The following CNGB1 variants were observed in gnomAD, a reference collection of about 807,000 sequenced individuals.
The protein encoded by CNGB1 is cyclic nucleotide gated channel subunit beta 1, also known as cyclic nucleotide-gated channel beta-1.
A neutral mutation model predicts 151.7 loss-of-function variants in CNGB1; 126 were observed. That is an observed-to-expected ratio of 0.83 (90% CI 0.72 to 0.96). The LOEUF is 0.96. Among genes scored for constraint, CNGB1 ranks in the 40% least tolerant of loss-of-function variants. The probability of loss-of-function intolerance (pLI) is 0.00; values close to 1 mark genes in which losing one functional copy is unlikely to be tolerated. For synonymous variants in CNGB1, 623 were observed against 635.1 expected (o/e 0.98, Z 0.29); for missense variants, 1,698 against 1,627.0 (o/e 1.04, Z -0.75).
chr16:57,907,992 G>A (rs570841271), intron 25 of CNGB1, among the ~76,000 whole-genome samples: 2 of 152,280 alleles, frequency 1.3e-5, no homozygotes, highest in South Asian at 2.1e-4. Context: ...GGGTTCCAGC[G>A]ATCTTCCCAT....
At chr16:57,893,770 C>T (rs1960155842) in intron 31 of CNGB1, among the ~76,000 whole-genome samples, 2 of 152,146 alleles carry the variant, frequency 1.3e-5, no homozygotes, top group South Asian at 2.1e-4. Context: ...TGCGCCACTG[C>T]ACTCCAGCCT....
At position 57,887,804 on chromosome 16, in the gene CNGB1, C is replaced by A. The variant is rs1054960787; in HGVS notation, c.3462+51G>T. On this transcript the variant is annotated intron_variant, in intron 32 of 32. Transcript: ENST00000251102. Reference sequence around the variant, plus strand: ...ACTCTTGGAGACCCCTTGGCCTTCTCCCTGACACATATTGAAATGAACGTG... The same window carrying A: ...ACTCTTGGAGACCCCTTGGCCTTCTACCTGACACATATTGAAATGAACGTG... 1.9e-6 allele frequency: 3 copies of A among 1,580,688 alleles called. No individual in the cohort carries two copies. In the African/African-American group the frequency reaches 4.0e-5, roughly 21 times the overall value.
intron 23 of CNGB1, 108 bp from the exon 24 acceptor site, chr16:57,913,102 G>A: frequency 1.0e-6 from 1 of 978,796 alleles, no homozygotes. Context: ...CCCCAGGAGG[G>A]AACAGGACGG....
chr16:57,889,420 A>G (rs1005204339), intron 31 of CNGB1, among the ~76,000 whole-genome samples: 1 of 152,094 alleles, frequency 6.6e-6, no homozygotes, highest in Non-Finnish European at 1.5e-5. Context: ...CAGTCCTACA[A>G]CCCCAAGGAA....
intron 23 of CNGB1, among the ~76,000 whole-genome samples, chr16:57,914,368 C>T (rs538860386): frequency 6.6e-6 from 1 of 152,330 alleles, no homozygotes; most frequent in African/African-American, 2.4e-5. Flanking sequence ...CTCTTGGCAG[C>T]CAGGAAGCTC....
intron 12 of CNGB1, chr16:57,954,604 TCCAC>T: frequency 1.1e-6 from 1 of 884,400 alleles, no homozygotes; most frequent in South Asian, 5.2e-5. Context: ...GGCTATTCAG[TCCAC>T]CCACTTTTAA....
At chr16:57,886,565 A>G (rs1369764710) in intron 32 of CNGB1, among the ~76,000 whole-genome samples, 1 of 152,184 alleles carries the variant, frequency 6.6e-6, no homozygotes, top group African/African-American at 2.4e-5. Context: ...TTCTACTGTC[A>G]AACAACATCT....
intron 25 of CNGB1, among the ~76,000 whole-genome samples, chr16:57,908,876 C>T (rs1348469212): frequency 6.6e-6 from 1 of 152,226 alleles, no homozygotes; most frequent in Admixed American, 6.5e-5. Context: ...CCTGCCCTCA[C>T]CCCCAGTGCA....
intron 14 of CNGB1, among the ~76,000 whole-genome samples, chr16:57,947,662 GTCTA>G (rs1237048949): frequency 6.6e-6 from 1 of 152,200 alleles, no homozygotes; most frequent in Non-Finnish European, 1.5e-5. Flanking sequence ...GATGGAAAGA[GTCTA>G]TGTGAACTGA....
intron 32 of CNGB1, 126 bp from the exon 33 acceptor site, chr16:57,884,583 A>T (rs1596942110): frequency 2.0e-6 from 2 of 997,526 alleles, no homozygotes; most frequent in Non-Finnish European, 3.1e-6. Context: ...ACAGCGGGTG[A>T]AATCTAGTGG....
chr16:57,911,628 T>G, intron 25 of CNGB1, 125 bp downstream of exon 25: 6 of 1,356,708 alleles, frequency 4.4e-6, no homozygotes, highest in Middle Eastern at 2.5e-4. Flanking sequence ...CAGTGATTGC[T>G]TAGGAGCAAA....
At chr16:57,904,569 C>G (rs1362448204) in intron 26 of CNGB1, among the ~76,000 whole-genome samples, 165 bp downstream of exon 26, 5 of 152,140 alleles carry the variant, frequency 3.3e-5, no homozygotes, top group East Asian at 1.9e-4. Flanking sequence ...ACCACCACCC[C>G]CTTCACCGCG....
chr16:57,931,084 TG>T (rs1325719217), intron 17 of CNGB1, among the ~76,000 whole-genome samples: 1 of 151,784 alleles, frequency 6.6e-6, no homozygotes, highest in Non-Finnish European at 1.5e-5. Context: ...TAAAATAAAA[TG>T]TGGAGGTAGA....
At chr16:57,941,541 ATCC>A (rs1428901582) in intron 14 of CNGB1, among the ~76,000 whole-genome samples, 2 of 152,176 alleles carry the variant, frequency 1.3e-5, no homozygotes, top group African/African-American at 4.8e-5. Context: ...GTCTCCCCAG[ATCC>A]TCCTCCAAAT....
At chr16:57,962,793 C>T (rs1309379607) in intron 6 of CNGB1, 49 bp downstream of exon 6, 1 of 1,610,306 alleles carries the variant, frequency 6.2e-7, no homozygotes, top group Admixed American at 1.7e-5. Flanking sequence ...AGCAGCCCCT[C>T]AGCCCCTCAG....
In CNGB1 at chr16:57,915,315, C is replaced by G. The variant is rs752032092; in HGVS notation, c.2238G>C (p.Leu746=). Reference sequence around the variant, plus strand: ...CTTTCAAATAGAGAAAATCCAAGGGCAGGAGGCTGAGCAGGTCCATCTGAA... The same window carrying G: ...CTTTCAAATAGAGAAAATCCAAGGGGAGGAGGCTGAGCAGGTCCATCTGAA... ...RRFKMDLLSL[L]PLDFLYLKVG... The change falls in exon 23 of 33, where the codon CTG becomes CTC. Residue 746 remains leucine (L), a synonymous_variant. Transcript: ENST00000251102. The G allele has an allele frequency of 1.5e-5, 25 of 1,613,914 alleles. No homozygotes were observed. The highest frequency in any genetic ancestry group is 2.0e-5 in the Non-Finnish European group (24 of 1,179,946).
At chr16:57,962,464 T>C in intron 7 of CNGB1, 101 bp downstream of exon 7, 1 of 1,050,054 alleles carries the variant, frequency 9.5e-7, no homozygotes, top group Non-Finnish European at 1.5e-6. Context: ...ATGTCCAAGG[T>C]CACACCCTGA....
chr16:57,942,564 G>A (rs947630058), intron 14 of CNGB1, among the ~76,000 whole-genome samples: 3 of 152,130 alleles, frequency 2.0e-5, no homozygotes, highest in African/African-American at 7.2e-5. Context: ...AAACATCGAC[G>A]AAAGAAACTC....
At position 57,960,929 on chromosome 16, in the gene CNGB1, A is replaced by G; in HGVS notation, c.459-14T>C. ...CGCAGCCCAGGCCTGCAGAGGGGCCAGTGATCAGCAGAGTGCCCTGAGGGA... is the reference window on the plus strand; with the variant it reads ...CGCAGCCCAGGCCTGCAGAGGGGCCGGTGATCAGCAGAGTGCCCTGAGGGA... On this transcript the variant is annotated splice_polypyrimidine_tract_variant and intron_variant, in intron 7 of 32. Transcript: ENST00000251102. The G allele has an allele frequency of 6.2e-7, 1 of 1,613,878 alleles. No individual in the cohort carries two copies. The highest frequency in any genetic ancestry group is 8.5e-7 in the Non-Finnish European group (1 of 1,179,852).
Sources: gnomAD v4.1 joint callset for allele counts (sites outside exome capture counted in the v4.1 genomes callset) on GRCh38, gnomAD v4.1.1 for gene constraint, MANE v1.5 for transcripts, NCBI Gene and HGNC (gene_info 2026-07-23, HGNC 2026-07-21) for gene names.